Variants in CTNNA1 observed in about 807,000 individuals in gnomAD.
The protein encoded by CTNNA1 is catenin alpha 1, also known as catenin alpha-1.
CTNNA1 carries 37 observed loss-of-function variants against 98.4 expected under a neutral mutation model. That is an observed-to-expected ratio of 0.38 (90% CI 0.29 to 0.49). The LOEUF is 0.49. Among genes scored for constraint, CTNNA1 ranks in the 20% least tolerant of loss-of-function variants. CTNNA1 has a pLI of 0.95. For synonymous variants in CTNNA1, 404 were observed against 413.2 expected (o/e 0.98, Z 0.27); for missense variants, 761 against 1,147.2 (o/e 0.66, Z 4.86).
At position 138,812,296 on chromosome 5, in the gene CTNNA1, A is replaced by G. The variant is rs1176772714; in HGVS notation, c.582A>G (p.Arg194=). ...VDKLNIMAAK[R]QQELKDVGHR... ...AGCTGAACATTATGGCAGCCAAAAGACAACAGGTACAGTCATGATTTGGGG... is the reference window on the plus strand; with the variant it reads ...AGCTGAACATTATGGCAGCCAAAAGGCAACAGGTACAGTCATGATTTGGGG... Residue 194 remains arginine (R), a synonymous_variant, in exon 5 of 18, where the codon AGA becomes AGG. Coordinates refer to ENST00000302763, the MANE Select transcript of CTNNA1 (RefSeq NM_001903.5). 1.9e-6 allele frequency: 3 copies of G among 1,612,774 alleles called. No individual in the cohort carries two copies. In the Admixed American group the frequency reaches 5.0e-5, roughly 27 times the overall value.
chr5:138,842,350 TAA>T (rs2149820457), intron 7 of CTNNA1, among the ~76,000 whole-genome samples: 1 of 152,336 alleles, frequency 6.6e-6, no homozygotes, highest in South Asian at 2.1e-4. Context: ...CTCATACTAA[TAA>T]ACACACTTGT....
chr5:138,873,413 T>A lies in CTNNA1; in HGVS notation c.1063-12799T>A, dbSNP rs752285650. 2.4e-5 allele frequency: 38 copies of A among 1,613,924 alleles called. No homozygotes were observed. Among genetic ancestry groups the A allele is most frequent in the East Asian group, 6.7e-5 (3 of 44,902 alleles). The stretch of plus-strand genomic sequence containing the variant: ...ATGGTAACTTGATGAGCTTATTCTT[T>A]TTGTATATTCAGTGGTTGGATCTCT... On this transcript the variant is annotated intron_variant, in intron 7 of 17. Coordinates refer to ENST00000302763, the MANE Select transcript of CTNNA1 (RefSeq NM_001903.5). The surrounding 1 kb of genome is among the most constrained non-coding windows in gnomAD (Gnocchi z 6.1).
At chr5:138,906,772 A>G (rs1352923752) in intron 10 of CTNNA1, among the ~76,000 whole-genome samples, 1 of 152,162 alleles carries the variant, frequency 6.6e-6, no homozygotes, top group African/African-American at 2.4e-5. Context: ...ATGTGTCCTG[A>G]AAAAAACCAT....
chr5:138,922,221 G>A (rs1199423403), intron 11 of CTNNA1, among the ~76,000 whole-genome samples: 1 of 152,080 alleles, frequency 6.6e-6, no homozygotes, highest in African/African-American at 2.4e-5. Context: ...TTTAACTCGT[G>A]ATCTAACTGC....
chr5:138,809,985 A>G (rs1936660730), intron 3 of CTNNA1, 53 bp from the exon 4 acceptor site: 4 of 1,542,000 alleles, frequency 2.6e-6, no homozygotes, highest in Non-Finnish European at 2.7e-6. Flanking sequence ...AAAAATGTAG[A>G]TCAGTTATTT....
chr5:138,834,047 C>A (rs1390379668), intron 7 of CTNNA1, among the ~76,000 whole-genome samples: 1 of 152,116 alleles, frequency 6.6e-6, no homozygotes, highest in Non-Finnish European at 1.5e-5. Flanking sequence ...AGCTAATGTT[C>A]ATTTTCAAAG....
chr5:138,830,723 A>G (rs1761191869), intron 7 of CTNNA1, among the ~76,000 whole-genome samples: 1 of 152,262 alleles, frequency 6.6e-6, no homozygotes, highest in Non-Finnish European at 1.5e-5. Context: ...TATGTGACAC[A>G]TGCAAAGCAG....
Position 138,934,311 on chromosome 5 carries a change from TTAAATA to T in CTNNA1, c.*223_*228del, listed in dbSNP as rs1766078781. Reference sequence around the variant, plus strand: ...ACTTCTAGCTGTATTTTTTGTATGCTTAAATAAAAATAAAAATTCATAACCAAAGAG... The same window carrying T: ...ACTTCTAGCTGTATTTTTTGTATGCTAAAATAAAAATTCATAACCAAAGAG... On this transcript the variant is annotated 3_prime_UTR_variant, in exon 18 of 18. Transcript: ENST00000302763. 1 of 518,240 alleles carries T rather than the reference TTAAATA, an allele frequency of 1.9e-6. No individual in the cohort carries two copies. The highest frequency in any genetic ancestry group is 1.9e-5 in the African/African-American group (1 of 51,920). The allele number at this position is 518,240 out of a possible 1,614,324, so 32.1% of individuals were successfully genotyped here.
intron 6 of CTNNA1, 134 bp from the exon 7 acceptor site, chr5:138,827,381 C>T: frequency 1.0e-6 from 1 of 982,450 alleles, no homozygotes; most frequent in East Asian, 2.6e-5. Flanking sequence ...CCCTTACCTG[C>T]TAAGAAGTAT....
intron 1 of CTNNA1, among the ~76,000 whole-genome samples, chr5:138,758,170 C>G (rs1186625017): frequency 6.6e-6 from 1 of 151,788 alleles, no homozygotes; most frequent in African/African-American, 2.4e-5. Context: ...CCACACCTGG[C>G]TAATCTGGTA....
chr5:138,866,300 T>TTATTTATTTACA (rs1263992081), intron 7 of CTNNA1, among the ~76,000 whole-genome samples: 5 of 148,436 alleles, frequency 3.4e-5, no homozygotes, highest in African/African-American at 5.1e-5. Context: ...ATTTATTTAT[T>TTATTTATTTACA]TATTTATTTA....
chr5:138,835,223 CAG>C (rs1255277871), intron 7 of CTNNA1, among the ~76,000 whole-genome samples: 8 of 152,154 alleles, frequency 5.3e-5, no homozygotes, highest in Non-Finnish European at 1.0e-4. Flanking sequence ...ATGCAGGTGA[CAG>C]GGGATATGAT....
chr5:138,820,048 C>T (rs1158877214), intron 5 of CTNNA1, among the ~76,000 whole-genome samples: 1 of 142,606 alleles, frequency 7.0e-6, no homozygotes, highest in Non-Finnish European at 1.5e-5. Context: ...TGCCCCCCAC[C>T]GCCAGCCATG....
chr5:138,876,981 G>T (rs1186997351), intron 7 of CTNNA1, among the ~76,000 whole-genome samples: 2 of 152,238 alleles, frequency 1.3e-5, no homozygotes, highest in Non-Finnish European at 1.5e-5. Context: ...GTACCACAGG[G>T]CAGGTCTGAC....
intron 1 of CTNNA1, among the ~76,000 whole-genome samples, chr5:138,760,325 T>G (rs1752208652): frequency 6.6e-6 from 1 of 151,672 alleles, no homozygotes; most frequent in Non-Finnish European, 1.5e-5. Flanking sequence ...CTGAATAATG[T>G]TCCATTTATT....
intron 7 of CTNNA1, among the ~76,000 whole-genome samples, chr5:138,833,003 C>T (rs746806214): frequency 2.0e-5 from 3 of 152,076 alleles, no homozygotes; most frequent in Non-Finnish European, 2.9e-5. Flanking sequence ...TTCCTTTCTC[C>T]GTTTTTTAAG....
At chr5:138,819,212 C>T (rs937757777) in intron 5 of CTNNA1, among the ~76,000 whole-genome samples, 4 of 152,082 alleles carry the variant, frequency 2.6e-5, no homozygotes, top group East Asian at 1.9e-4. Context: ...TCTAGGCCCC[C>T]GGATGGTGGA....
intron 3 of CTNNA1, among the ~76,000 whole-genome samples, chr5:138,802,359 T>TG (rs1291598242): frequency 2.0e-5 from 3 of 152,130 alleles, no homozygotes; most frequent in Admixed American, 6.5e-5. Flanking sequence ...TTTGTAGAGA[T>TG]GGGGTCTCAC....
At chr5:138,908,478 G>T (rs984902488) in intron 10 of CTNNA1, among the ~76,000 whole-genome samples, 1 of 152,054 alleles carries the variant, frequency 6.6e-6, no homozygotes, top group Admixed American at 6.5e-5. Flanking sequence ...GACCAGCCTG[G>T]GCAACAGAGC....
Sources: allele counts gnomAD v4.1 joint callset (sites outside exome capture counted in the v4.1 genomes callset), GRCh38; gene constraint gnomAD v4.1.1; non-coding constraint Gnocchi (gnomAD v3.1); transcripts MANE v1.5; gene names NCBI Gene and HGNC (gene_info 2026-07-23, HGNC 2026-07-21).